Variants in MACC1 observed in about 807,000 individuals in gnomAD.
MACC1 encodes the protein metastasis-associated in colon cancer protein 1.
MACC1 carries 79 observed loss-of-function variants against 70.7 expected under a neutral mutation model. That is an observed-to-expected ratio of 1.12 (90% CI 0.93 to 1.35). MACC1 has a LOEUF of 1.35. Among genes scored for constraint, MACC1 ranks in the 40% most tolerant of loss-of-function variants. The pLI is 0.00. For synonymous variants in MACC1, 361 were observed against 347.2 expected, an observed-to-expected ratio of 1.04 and a Z score of -0.44; for missense variants, 1,106 against 978.1, an observed-to-expected ratio of 1.13 and a Z score of -1.74.
intron 2 of MACC1, among the ~76,000 whole-genome samples, chr7:20,165,670 A>G (rs530916899): frequency 1.6e-4 from 24 of 152,248 alleles, no homozygotes; most frequent in South Asian, 1.0e-3. Context: ...CCCATACTCA[A>G]TGACAATTGC....
chr7:20,141,215 G>C, intron 6 of MACC1, 57 bp from the exon 7 acceptor site: 1 of 1,223,808 alleles, frequency 8.2e-7, no homozygotes, highest in Non-Finnish European at 1.1e-6. Flanking sequence ...GAGGAAAATC[G>C]TTTTTAAAAA....
intron 1 of MACC1, among the ~76,000 whole-genome samples, chr7:20,173,124 G>A (rs960819327): frequency 3.3e-5 from 5 of 152,140 alleles, no homozygotes; most frequent in East Asian, 1.9e-4. Flanking sequence ...CCAAAAATCC[G>A]AGATGGATCC....
intron 5 of MACC1, among the ~76,000 whole-genome samples, chr7:20,155,490 A>G (rs1583385768): frequency 3.3e-5 from 5 of 152,272 alleles, no homozygotes; most frequent in Admixed American, 3.3e-4. Context: ...ACCTTATTGT[A>G]CTCTACTCAC....
At chr7:20,205,856 C>T (rs1045397742) in intron 1 of MACC1, among the ~76,000 whole-genome samples, 2 of 152,122 alleles carry the variant, frequency 1.3e-5, no homozygotes, top group East Asian at 1.9e-4. Flanking sequence ...ACTTTTCTGA[C>T]GTCTCCATGT....
At chr7:20,154,532 C>T (rs1782028127) in intron 5 of MACC1, 151 bp from the exon 6 acceptor site, 7 of 763,194 alleles carry the variant, frequency 9.2e-6, no homozygotes, top group Admixed American at 2.9e-5. Flanking sequence ...GGAGTTGATT[C>T]ACATTTAAGC....
chr7:20,203,801 A>C (rs1782868647), intron 1 of MACC1, among the ~76,000 whole-genome samples: 1 of 152,126 alleles, frequency 6.6e-6, no homozygotes, highest in Non-Finnish European at 1.5e-5. Context: ...TCGTCTTGGA[A>C]TCCTAATTAA....
rs572490664 is a variant in MACC1, at chr7:20,140,947, T to C, written c.2558A>G (p.Ter853TrpextTer7). ...VTAFSTSEEV[*>W] ...CCATCAAAAACACACGCTTTGTTTCTATACTTCCTCAGAAGTGGAGAATGC... is the reference window on the plus strand; with the variant it reads ...CCATCAAAAACACACGCTTTGTTTCCATACTTCCTCAGAAGTGGAGAATGC... The change falls in exon 7 of 7, where the codon TAG becomes TGG. Residue 853 changes from the stop codon to tryptophan (W), a stop_lost. Transcript: ENST00000400331. The C allele has an allele frequency of 1.2e-6, 2 of 1,610,130 alleles. No individual in the cohort carries two copies. Among genetic ancestry groups the C allele is most frequent in the Non-Finnish European group, 1.7e-6 (2 of 1,177,286 alleles).
rs867960649 is a variant in MACC1 at position 20,140,818 on chromosome 7, C to G, written c.*128G>C. 2 of 561,110 alleles carry G rather than the reference C, an allele frequency of 3.6e-6. No homozygotes were observed. Among genetic ancestry groups the G allele is most frequent in the Non-Finnish European group, 5.8e-6 (2 of 345,298 alleles). 34.8% of individuals were successfully genotyped at this position (561,110 alleles called of 1,614,324 possible). On this transcript the variant is annotated 3_prime_UTR_variant, in exon 7 of 7. Transcript: ENST00000400331. ...TTTCTTTCCTACACACACACACACA[C>G]ACACACAGACACACACACACAGACA...
chr7:20,194,998 A>G (rs1270912927), intron 1 of MACC1, among the ~76,000 whole-genome samples: 4 of 152,166 alleles, frequency 2.6e-5, no homozygotes, highest in African/African-American at 9.7e-5. Flanking sequence ...CTTGCCCATT[A>G]TGTCACACAT....
At chr7:20,165,991 C>A (rs531049635) in intron 2 of MACC1, among the ~76,000 whole-genome samples, 7 of 152,136 alleles carry the variant, frequency 4.6e-5, no homozygotes, top group South Asian at 4.2e-4. Flanking sequence ...GGGTGGGGAG[C>A]AATGCAGTGT....
At chr7:20,152,972 CCTAT>C (rs564324534) in intron 6 of MACC1, among the ~76,000 whole-genome samples, 2 of 152,286 alleles carry the variant, frequency 1.3e-5, no homozygotes, top group South Asian at 4.1e-4. Flanking sequence ...TTAAAGGCTT[CCTAT>C]CTTTCATCTC....
intron 1 of MACC1, among the ~76,000 whole-genome samples, chr7:20,171,167 A>G (rs1782299326): frequency 1.3e-5 from 2 of 152,204 alleles, no homozygotes; most frequent in African/African-American, 4.8e-5. Flanking sequence ...ATAGACATAT[A>G]TATGATTCAG....
intron 1 of MACC1, among the ~76,000 whole-genome samples, chr7:20,199,619 G>C (rs2128108069): frequency 6.6e-6 from 1 of 152,244 alleles, no homozygotes; most frequent in Admixed American, 6.5e-5. Context: ...GACAGAATAA[G>C]GAAGTCTTCA....
intron 4 of MACC1, among the ~76,000 whole-genome samples, chr7:20,161,397 A>T (rs1260961920): frequency 6.6e-6 from 1 of 152,034 alleles, no homozygotes; most frequent in East Asian, 1.9e-4. Flanking sequence ...AATTACCCCT[A>T]ACTCTCTTAA....
At chr7:20,173,210 A>G (rs975688909) in intron 1 of MACC1, among the ~76,000 whole-genome samples, 5 of 152,228 alleles carry the variant, frequency 3.3e-5, no homozygotes, top group Non-Finnish European at 5.9e-5. Flanking sequence ...TGAGGTGATA[A>G]TATACATGTT....
In MACC1 at chr7:20,141,152, ACAT is replaced by A. The variant is rs767857687; in HGVS notation, c.2350_2352del (p.Met784del). 1.9e-6 allele frequency: 3 copies of A among 1,591,350 alleles called. No individual in the cohort carries two copies. The highest frequency in any genetic ancestry group is 2.6e-6 in the Non-Finnish European group (3 of 1,171,336). On this transcript the variant is annotated inframe_deletion, in exon 7 of 7. Coordinates refer to ENST00000400331, the MANE Select transcript of MACC1 (RefSeq NM_182762.4). ...TACAGAAAATCATAGGCAGGTTTCC[ACAT>A]CATCTATAAAGAAAAAAAATAGATT...
intron 1 of MACC1, among the ~76,000 whole-genome samples, chr7:20,192,960 A>G (rs1396013083): frequency 2.0e-5 from 3 of 152,234 alleles, no homozygotes; most frequent in Non-Finnish European, 4.4e-5. Context: ...CACTGTGATG[A>G]GTCCCTTCAA....
chr7:20,159,046 A>C lies in MACC1; in HGVS notation c.1315T>G (p.Ser439Ala). ...TTTACTTCAAAATCAGGATCACAGG[A>C]AAAAATAGAAATACTTAAATCTTGT... ...KPQDLSISIF[S>A]CDPDFEVKTE... Residue 439 changes from serine to alanine, a missense_variant, in exon 5 of 7, where the codon TCC becomes GCC. By Grantham distance (99) the Ser-to-Ala change is moderately conservative. Transcript: ENST00000400331. The C allele has an allele frequency of 6.2e-7, 1 of 1,613,728 alleles. No individual in the cohort carries two copies. Among genetic ancestry groups the C allele is most frequent in the Non-Finnish European group, 8.5e-7 (1 of 1,179,976 alleles).
At chr7:20,175,342 A>C (rs1435200539) in intron 1 of MACC1, among the ~76,000 whole-genome samples, 5 of 152,114 alleles carry the variant, frequency 3.3e-5, no homozygotes, top group Admixed American at 6.5e-5. Context: ...ATATGTACAA[A>C]ATATATACAC....
Sources: gnomAD v4.1 joint callset for allele counts (sites outside exome capture counted in the v4.1 genomes callset) on GRCh38, gnomAD v4.1.1 for gene constraint, MANE v1.5 for transcripts, NCBI Gene and HGNC (gene_info 2026-07-23, HGNC 2026-07-21) for gene names.